Variants in IRAK2 observed in about 807,000 individuals in gnomAD.
The protein encoded by IRAK2 is interleukin 1 receptor associated kinase 2.
Under a neutral mutation model 72.0 loss-of-function variants are expected in IRAK2, and 57 were observed. That is an observed-to-expected ratio of 0.79 (90% CI 0.64 to 0.99). The LOEUF (loss-of-function observed/expected upper bound fraction) is 0.99. Among genes scored for constraint, IRAK2 ranks in the 50% least tolerant of loss-of-function variants. The probability of loss-of-function intolerance (pLI) is 0.00; values close to 1 mark genes in which losing one functional copy is unlikely to be tolerated. For synonymous variants in IRAK2, 293 were observed against 312.7 expected (o/e 0.94, Z 0.67); for missense variants, 790 against 794.4 (o/e 0.99, Z 0.07).
At chr3:10,221,515 A>T (rs1190922065) in intron 8 of IRAK2, among the ~76,000 whole-genome samples, 2 of 151,378 alleles carry the variant, frequency 1.3e-5, no homozygotes, top group East Asian at 2.0e-4. Flanking sequence ...GGCCTCCCAA[A>T]GTGCTGGGAT....
intron 12 of IRAK2, among the ~76,000 whole-genome samples, chr3:10,241,832 G>C (rs952836543): frequency 6.9e-6 from 1 of 144,214 alleles, no homozygotes. Context: ...AAAAAGCCAG[G>C]TGTGGTTGTG....
chr3:10,169,209 A>C (rs772990990), intron 1 of IRAK2, among the ~76,000 whole-genome samples: 2 of 152,182 alleles, frequency 1.3e-5, no homozygotes, highest in African/African-American at 2.4e-5. Context: ...CAAAGGTGAA[A>C]TTAGAATTAC....
rs200872975 is a variant in IRAK2 at position 10,200,547 on chromosome 3, A to G, written c.424+32A>G. The G allele has an allele frequency of 6.4e-5, 98 of 1,526,968 alleles. No homozygotes were observed. In the Middle Eastern group the frequency reaches 9.2e-4, roughly 14 times the overall value. 94.6% of individuals were successfully genotyped at this position (1,526,968 alleles called of 1,614,324 possible). A position where few individuals can be genotyped will look rare whatever the true frequency, so the allele number is the denominator to read the frequency against. On this transcript the variant is annotated intron_variant, in intron 3 of 12. Coordinates refer to ENST00000256458, the MANE Select transcript of IRAK2 (RefSeq NM_001570.4). ...TAAATTTAACTTTTTTACTTAAAGC[A>G]CTTTTATTTAAGGAAATGAAGATAT...
chr3:10,174,258 A>G (rs1187182138), intron 1 of IRAK2, among the ~76,000 whole-genome samples: 2 of 152,140 alleles, frequency 1.3e-5, no homozygotes, highest in Non-Finnish European at 2.9e-5. Flanking sequence ...GGAACTTTCC[A>G]TCTTAATTGG....
intron 2 of IRAK2, among the ~76,000 whole-genome samples, chr3:10,196,927 ACTC>A (rs1236708878): frequency 6.6e-6 from 1 of 152,088 alleles, no homozygotes. Context: ...GGCAAACGCT[ACTC>A]ACACTAGCTT....
intron 2 of IRAK2, among the ~76,000 whole-genome samples, chr3:10,180,919 C>G (rs1442625425): frequency 6.6e-6 from 1 of 151,976 alleles, no homozygotes; most frequent in East Asian, 2.0e-4. Context: ...TGGCAAGCAA[C>G]TTTCCAGGCC....
In IRAK2 at chr3:10,166,151, T is replaced by C. The variant is rs535734887; in HGVS notation, c.94+1103T>C. ...TGTGATTAAATGTACTTTACCATTA[T>C]AGTTTTAAAATCAGATATTTACTTT... On this transcript the variant is annotated intron_variant, in intron 1 of 12. Coordinates refer to ENST00000256458, the MANE Select transcript of IRAK2 (RefSeq NM_001570.4). 4.6e-5 allele frequency among the ~76,000 whole-genome samples: 7 copies of C among 152,360 alleles called. No homozygotes were observed. In the East Asian group the frequency reaches 1.3e-3, roughly 29 times the overall value.
intron 6 of IRAK2, among the ~76,000 whole-genome samples, chr3:10,214,316 C>T (rs1425105944): frequency 2.0e-5 from 3 of 151,596 alleles, no homozygotes; most frequent in African/African-American, 7.3e-5. Flanking sequence ...CAGCTTTGAA[C>T]TCATGGGCTG....
intron 2 of IRAK2, among the ~76,000 whole-genome samples, chr3:10,182,433 C>A (rs1161253731): frequency 2.0e-5 from 3 of 152,000 alleles, no homozygotes; most frequent in Admixed American, 1.3e-4. Flanking sequence ...CAGGTGCCCG[C>A]CACCACGCCC....
At position 10,169,645 on chromosome 3, in the gene IRAK2, T is replaced by C. The variant is rs565209683; in HGVS notation, c.94+4597T>C. ...CTGAACATCACTGTTATTCTGTTCT[T>C]TTTCAGGGTGCCCTGATTTCATATT... is the stretch of plus-strand genomic sequence containing the variant. On this transcript the variant is annotated intron_variant, in intron 1 of 12. Transcript: ENST00000256458. Among the ~76,000 whole-genome samples, 11 of 152,350 alleles carry C rather than the reference T, an allele frequency of 7.2e-5. No individual in the cohort carries two copies. In the South Asian group the frequency reaches 2.3e-3, roughly 32 times the overall value.
rs1697572809 is a variant in IRAK2 at position 10,214,511 on chromosome 3, G to A, written c.788+963G>A. 2.7e-5 allele frequency among the ~76,000 whole-genome samples: 4 copies of A among 147,562 alleles called. No homozygotes were observed. The South Asian group carries it at 8.6e-4, about 32-fold the overall frequency. ...CTCCCAAGATGTTGGGATTATAGGT[G>A]TGAGCCACTGTGCCCTGCCATGTGT... is the stretch of plus-strand genomic sequence containing the variant. On this transcript the variant is annotated intron_variant, in intron 6 of 12. Coordinates refer to ENST00000256458, the MANE Select transcript of IRAK2 (RefSeq NM_001570.4).
intron 1 of IRAK2, among the ~76,000 whole-genome samples, chr3:10,177,275 G>C (rs1454787600): frequency 6.6e-6 from 1 of 152,134 alleles, no homozygotes; most frequent in Non-Finnish European, 1.5e-5. Context: ...CTGGGACTTA[G>C]CTGAGAGGAA....
intron 2 of IRAK2, among the ~76,000 whole-genome samples, chr3:10,185,495 T>G (rs1241020069): frequency 1.4e-5 from 2 of 145,716 alleles, no homozygotes; most frequent in Non-Finnish European, 3.0e-5. Flanking sequence ...GAAGCAGAGA[T>G]TGTGGTGAGC....
rs1244201060 is a variant in IRAK2 at position 10,178,464 on chromosome 3, AAAAAAAAAGAAAC to A, written c.277+458_277+470del. Among the ~76,000 whole-genome samples the A allele has an allele frequency of 2.0e-5, 3 of 152,094 alleles. No homozygotes were observed. In the East Asian group the frequency reaches 5.8e-4, roughly 29 times the overall value. On this transcript the variant is annotated intron_variant, in intron 2 of 12. Transcript: ENST00000256458. ...AGTGAGACTCTGTCTCCAAAAGAAA[AAAAAAAAAGAAAC>A]AAAAAAAAGAAACTGGTAACAGTGG...
At chr3:10,205,503 G>T (rs1697421551) in intron 3 of IRAK2, among the ~76,000 whole-genome samples, 1 of 152,206 alleles carries the variant, frequency 6.6e-6, no homozygotes, top group African/African-American at 2.4e-5. Context: ...CAGGCATTAA[G>T]TCAGATAGGA....
intron 2 of IRAK2, among the ~76,000 whole-genome samples, chr3:10,184,036 C>T (rs745309293): frequency 1.4e-4 from 21 of 152,158 alleles, no homozygotes; most frequent in Non-Finnish European, 2.4e-4. Context: ...ACTGTTCTGC[C>T]AGTGTGGACA....
Position 10,234,468 on chromosome 3 carries a change from C to A in IRAK2, c.1282C>A (p.Leu428Ile), listed in dbSNP as rs1337635283. 1 of 1,614,076 alleles carries A rather than the reference C, an allele frequency of 6.2e-7. No individual in the cohort carries two copies. Among genetic ancestry groups the A allele is most frequent in the Admixed American group, 1.7e-5 (1 of 60,024 alleles). The change falls in exon 11 of 13, where the codon CTC (leucine) becomes ATC (isoleucine). Residue 428 changes from leucine to isoleucine, a missense_variant. By Grantham distance (5) the Leu-to-Ile change is conservative. Coordinates refer to ENST00000256458, the MANE Select transcript of IRAK2 (RefSeq NM_001570.4). Reference sequence around the variant, plus strand: ...ACCCTTCTTCCCACAGAAGGACTTACTCCTCAGTGATATTCCAAGCAGCAC... The same window carrying A: ...ACCCTTCTTCCCACAGAAGGACTTAATCCTCAGTGATATTCCAAGCAGCAC... The part of the protein sequence containing the change: ...NRSPVYLKDL[L>I]LSDIPSSTAS...
At chr3:10,167,475 C>T (rs564803637) in intron 1 of IRAK2, among the ~76,000 whole-genome samples, 10 of 151,164 alleles carry the variant, frequency 6.6e-5, no homozygotes, top group South Asian at 6.3e-4. Flanking sequence ...AGTGCAGTGG[C>T]GCAATCTCGG....
At chr3:10,207,663 C>A (rs1472684957) in intron 3 of IRAK2, among the ~76,000 whole-genome samples, 3 of 152,174 alleles carry the variant, frequency 2.0e-5, no homozygotes, top group South Asian at 2.1e-4. Flanking sequence ...GTCAAACATT[C>A]CGTCTTGTGA....
Sources: gnomAD v4.1 joint callset for allele counts (sites outside exome capture counted in the v4.1 genomes callset) on GRCh38, gnomAD v4.1.1 for gene constraint, MANE v1.5 for transcripts, NCBI Gene and HGNC (gene_info 2026-07-23, HGNC 2026-07-21) for gene names.